EPC2: variants seen among roughly 807,000 people sequenced by gnomAD.
EPC2 encodes enhancer of polycomb homolog 2.
EPC2 carries 14 observed loss-of-function variants against 92.1 expected under a neutral mutation model. That is an observed-to-expected ratio of 0.15 (90% CI 0.10 to 0.24). The LOEUF is 0.24. Ranked by LOEUF, EPC2 falls within the 10% of genes least tolerant of loss-of-function variation. The probability of loss-of-function intolerance (pLI) is 1.00; values close to 1 mark genes in which losing one functional copy is unlikely to be tolerated. For missense variants in EPC2, 755 were observed against 971.5 expected (o/e 0.78, Z 2.96); for synonymous variants, 340 against 334.7 (o/e 1.02, Z -0.17).
At chr2:148,666,670 T>C (rs1681061448) in intron 1 of EPC2, among the ~76,000 whole-genome samples, 1 of 152,190 alleles carries the variant, frequency 6.6e-6, no homozygotes, top group Non-Finnish European at 1.5e-5. Context: ...TGCCTTAAAC[T>C]GGTGGTTCTC....
chr2:148,759,650 C>T (rs1683263143), intron 4 of EPC2, among the ~76,000 whole-genome samples: 2 of 151,656 alleles, frequency 1.3e-5, no homozygotes, highest in South Asian at 4.2e-4. Context: ...CATTTTATAT[C>T]TTCAACTTCT....
intron 1 of EPC2, among the ~76,000 whole-genome samples, chr2:148,650,246 A>T (rs1680650480): frequency 6.6e-6 from 1 of 152,014 alleles, no homozygotes; most frequent in African/African-American, 2.4e-5. Context: ...CTGTTCCAAG[A>T]GCTATATTTG....
chr2:148,778,823 C>G (rs1683697276), intron 10 of EPC2, among the ~76,000 whole-genome samples: 1 of 151,830 alleles, frequency 6.6e-6, no homozygotes, highest in Non-Finnish European at 1.5e-5. Context: ...TAATAAAGAG[C>G]TAGATGTCAA....
At chr2:148,701,191 A>G (rs1185119436) in intron 2 of EPC2, among the ~76,000 whole-genome samples, 1 of 152,184 alleles carries the variant, frequency 6.6e-6, no homozygotes, top group Non-Finnish European at 1.5e-5. Flanking sequence ...TTCTACATAG[A>G]CAGTCTTGTC....
At chr2:148,770,998 A>G (rs201024923) in intron 9 of EPC2, 46 bp from the exon 10 acceptor site, 7 of 1,595,938 alleles carry the variant, frequency 4.4e-6, no homozygotes, top group Non-Finnish European at 5.1e-6. Flanking sequence ...CAAAGAGAAC[A>G]TGTTCAGCTC....
Position 148,770,784 on chromosome 2 carries a change from C to A in EPC2, c.1231-8C>A. 1.3e-6 allele frequency: 2 copies of A among 1,576,786 alleles called. No individual in the cohort carries two copies. The highest frequency in any genetic ancestry group is 8.6e-7 in the Non-Finnish European group (1 of 1,167,712). On this transcript the variant is annotated splice_region_variant and splice_polypyrimidine_tract_variant and intron_variant, in intron 8 of 13. Coordinates refer to ENST00000258484, the MANE Select transcript of EPC2 (RefSeq NM_015630.4). ...GTTTTTTGTTTTTTGTTTTTTCTTT[C>A]TTTGCAGCCTCGTTTGGACCAAGCT...
At chr2:148,698,370 G>C (rs142117341) in intron 2 of EPC2, among the ~76,000 whole-genome samples, 2 of 152,078 alleles carry the variant, frequency 1.3e-5, no homozygotes, top group Admixed American at 1.3e-4. Context: ...GGGCGCAGTG[G>C]CTCGTGCCTG....
In EPC2 at chr2:148,771,395, G is replaced by GT. The variant is rs1284889248; in HGVS notation, c.1720+10dup. 1.3e-6 allele frequency: 2 copies of GT among 1,569,122 alleles called. No individual in the cohort carries two copies. Among genetic ancestry groups the GT allele is most frequent in the Admixed American group, 3.9e-5 (2 of 51,576 alleles). On this transcript the variant is annotated intron_variant, in intron 10 of 13. Coordinates refer to ENST00000258484, the MANE Select transcript of EPC2 (RefSeq NM_015630.4). ...GCAAGAATGGCATATCAGGTAAGCTGTTGCTGTGTTAAAAGTATATCCTGC... is the reference window on the plus strand; with the variant it reads ...GCAAGAATGGCATATCAGGTAAGCTGTTTGCTGTGTTAAAAGTATATCCTGC...
At chr2:148,727,057 T>G (rs1329877473) in intron 2 of EPC2, among the ~76,000 whole-genome samples, 1 of 152,176 alleles carries the variant, frequency 6.6e-6, no homozygotes. Context: ...AGTTTTATAA[T>G]TTTGTGTCTT....
At chr2:148,680,780 T>G (rs1438435597) in intron 1 of EPC2, among the ~76,000 whole-genome samples, 1 of 152,186 alleles carries the variant, frequency 6.6e-6, no homozygotes, top group Non-Finnish European at 1.5e-5. Flanking sequence ...ATTTGAAGAC[T>G]AGGCATAGTG....
intron 6 of EPC2, 91 bp from the exon 7 acceptor site, chr2:148,764,864 T>C (rs1553450039): frequency 1.0e-6 from 1 of 975,606 alleles, no homozygotes; most frequent in Non-Finnish European, 1.4e-6. Context: ...TGGGTAAAAA[T>C]GTATGTTTTT....
chr2:148,679,567 T>C (rs1227345432), intron 1 of EPC2, among the ~76,000 whole-genome samples: 1 of 152,182 alleles, frequency 6.6e-6, no homozygotes, highest in Non-Finnish European at 1.5e-5. Flanking sequence ...CGTTAGAAAT[T>C]ACTGATTCCA....
intron 2 of EPC2, among the ~76,000 whole-genome samples, chr2:148,739,830 CTTCTTT>C (rs1191151688): frequency 5.8e-4 from 56 of 96,686 alleles, no homozygotes; most frequent in Admixed American, 1.7e-3. Flanking sequence ...TTTTCTTCTT[CTTCTTT>C]TTTTTTTTTT....
chr2:148,700,646 A>G (rs1266491657), intron 2 of EPC2, among the ~76,000 whole-genome samples: 4 of 149,184 alleles, frequency 2.7e-5, no homozygotes, highest in Non-Finnish European at 4.4e-5. Flanking sequence ...ATAGCTTCAG[A>G]GTAAGTCTTG....
chr2:148,723,297 T>C (rs1474750846), intron 2 of EPC2, among the ~76,000 whole-genome samples: 8 of 152,196 alleles, frequency 5.3e-5, no homozygotes, highest in African/African-American at 1.7e-4. Context: ...CACAAAGATA[T>C]TTTTTCCCTA....
At chr2:148,762,059 T>C in intron 5 of EPC2, 129 bp downstream of exon 5, 1 of 757,916 alleles carries the variant, frequency 1.3e-6, no homozygotes, top group Non-Finnish European at 2.0e-6. Flanking sequence ...TAAGAATTTA[T>C]ATTTTTTAAA....
intron 4 of EPC2, 148 bp downstream of exon 4, chr2:148,754,281 G>A (rs1265270903): frequency 2.3e-5 from 16 of 696,090 alleles, no homozygotes; most frequent in East Asian, 8.2e-5. Flanking sequence ...CGTCTGATCC[G>A]TGGTCAGACA....
In EPC2 at chr2:148,653,950, G is replaced by GT. The variant is rs34810067; in HGVS notation, c.153+8794dup. On this transcript the variant is annotated intron_variant, in intron 1 of 13. Coordinates refer to ENST00000258484, the MANE Select transcript of EPC2 (RefSeq NM_015630.4). ...AGTTTTAAAGATTACTTTTTTTTTT[G>GT]TTTTTTTTTTTTTTGGAGACAGGGT... 7.7e-3 allele frequency among the ~76,000 whole-genome samples: 1,016 copies of GT among 131,692 alleles called. 7 individuals carry two copies. Among genetic ancestry groups the GT allele is most frequent in the African/African-American group, 0.018 (638 of 35,726 alleles). 86.4% of individuals were successfully genotyped at this position (131,692 alleles called of 152,430 possible).
intron 1 of EPC2, among the ~76,000 whole-genome samples, chr2:148,680,065 A>G (rs1337000960): frequency 6.6e-6 from 1 of 150,646 alleles, no homozygotes; most frequent in Admixed American, 6.6e-5. Flanking sequence ...TCTGCCTGGC[A>G]CTGGAAGCCC....
Sources: allele counts gnomAD v4.1 joint callset (sites outside exome capture counted in the v4.1 genomes callset), GRCh38; gene constraint gnomAD v4.1.1; transcripts MANE v1.5; gene names NCBI Gene and HGNC (gene_info 2026-07-23, HGNC 2026-07-21).